Variants in IL15RA observed in about 807,000 individuals in gnomAD.
IL15RA encodes interleukin-15 receptor subunit alpha.
Under a neutral mutation model 24.2 loss-of-function variants are expected in IL15RA, and 26 were observed. The ratio of observed to expected loss-of-function variants is 1.07; its 90% CI spans 0.79 to 1.49. IL15RA has a LOEUF of 1.49. IL15RA is among the 40% of genes most tolerant of loss of function. The probability of loss-of-function intolerance (pLI) is 0.00; values close to 1 mark genes in which losing one functional copy is unlikely to be tolerated. For missense variants in IL15RA, 354 were observed against 356.4 expected, an observed-to-expected ratio of 0.99 and a Z score of 0.05; for synonymous variants, 166 against 157.6, an observed-to-expected ratio of 1.05 and a Z score of -0.40.
chr10:5,971,451 T>C lies in IL15RA; in HGVS notation c.89-5112A>G, dbSNP rs1327871772. Among the ~76,000 whole-genome samples, 1 of 152,120 alleles carries C rather than the reference T, an allele frequency of 6.6e-6. No homozygotes were observed. The highest frequency in any genetic ancestry group is 1.5e-5 in the Non-Finnish European group (1 of 68,016). The stretch of plus-strand genomic sequence containing the variant: ...TTATCTATCAGGTTGGTTTACAGAG[T>C]CTAATAAGAGCTGGCAGCCTCGGCC... On this transcript the variant is annotated intron_variant, in intron 1 of 6. Transcript: ENST00000379977. The surrounding 1 kb of genome is among the most constrained non-coding windows in gnomAD (Gnocchi z 5.5).
In IL15RA at chr10:5,954,706, A is replaced by T. The variant is rs372695918; in HGVS notation, c.693-1500T>A. ...TTTTAAGAATATATTTTAATGTATTATTCATAAAGAGATGGTATGTACATT... is the reference window on the plus strand; with the variant it reads ...TTTTAAGAATATATTTTAATGTATTTTTCATAAAGAGATGGTATGTACATT... On this transcript the variant is annotated intron_variant, in intron 6 of 6. Coordinates refer to ENST00000379977, the MANE Select transcript of IL15RA (RefSeq NM_002189.4). Among the ~76,000 whole-genome samples the T allele has an allele frequency of 5.9e-5, 9 of 152,268 alleles. No homozygotes were observed. The East Asian group carries it at 1.7e-3, about 29-fold the overall frequency.
rs377540180 is a variant in IL15RA at position 5,960,357 on chromosome 10, G to A, written c.583+10C>T. 2.1e-5 allele frequency: 34 copies of A among 1,613,270 alleles called. No homozygotes were observed. Among genetic ancestry groups the A allele is most frequent in the Admixed American group, 1.8e-4 (11 of 60,008 alleles). On this transcript the variant is annotated intron_variant, in intron 4 of 6. Transcript: ENST00000379977. This position sits in a 1 kb window ranked among gnomAD's most constrained non-coding sequence, Gnocchi z 5.1. Reference sequence around the variant, plus strand: ...GAACTGACCTCTCCTGGGGCAAAGCGAGTGCTAACCTGGCGGCTGGTGGGA... The same window carrying A: ...GAACTGACCTCTCCTGGGGCAAAGCAAGTGCTAACCTGGCGGCTGGTGGGA...
In IL15RA at chr10:5,962,463, A is replaced by G. The variant is rs1835749216; in HGVS notation, c.382+1280T>C. Among the ~76,000 whole-genome samples the G allele has an allele frequency of 1.3e-5, 2 of 152,022 alleles. No individual in the cohort carries two copies. Among genetic ancestry groups the G allele is most frequent in the Admixed American group, 1.3e-4 (2 of 15,248 alleles). On this transcript the variant is annotated intron_variant, in intron 3 of 6. Transcript: ENST00000379977. This position sits in a 1 kb window ranked among gnomAD's most constrained non-coding sequence, Gnocchi z 5.2. ...AGAAATTAGCCAGGCGTGGTGGTGC[A>G]CGCCTGTGATCCCAGCTACTTGGGA...
intron 6 of IL15RA, among the ~76,000 whole-genome samples, chr10:5,954,973 TGGTC>T (rs1012524612): frequency 6.6e-6 from 1 of 152,204 alleles, no homozygotes; most frequent in African/African-American, 2.4e-5. Flanking sequence ...GCTTTTTTAT[TGGTC>T]GGGATGGTAT....
In IL15RA at chr10:5,961,658, C is replaced by T. The variant is rs554988823; in HGVS notation, c.383-1091G>A. Among the ~76,000 whole-genome samples, 3 of 152,222 alleles carry T rather than the reference C, an allele frequency of 2.0e-5. No individual in the cohort carries two copies. The highest frequency in any genetic ancestry group is 7.2e-5 in the African/African-American group (3 of 41,452). On this transcript the variant is annotated intron_variant, in intron 3 of 6. Coordinates refer to ENST00000379977, the MANE Select transcript of IL15RA (RefSeq NM_002189.4). The surrounding 1 kb of genome is among the most constrained non-coding windows in gnomAD (Gnocchi z 5.2). Reference sequence around the variant, plus strand: ...GGAACAGAGGCTGCCTTGTGTTCAGCGTCTTCCCTGTCTTCCTTGTCCTTC... The same window carrying T: ...GGAACAGAGGCTGCCTTGTGTTCAGTGTCTTCCCTGTCTTCCTTGTCCTTC...
In IL15RA at chr10:5,959,863, A is replaced by G; in HGVS notation, c.584-77T>C. The G allele has an allele frequency of 7.0e-7, 1 of 1,422,482 alleles. No individual in the cohort carries two copies. The highest frequency in any genetic ancestry group is 1.2e-5 in the South Asian group (1 of 85,152). 88.1% of individuals were successfully genotyped at this position (1,422,482 alleles called of 1,614,324 possible). On this transcript the variant is annotated intron_variant, in intron 4 of 6. Transcript: ENST00000379977. The surrounding 1 kb of genome is among the most constrained non-coding windows in gnomAD (Gnocchi z 4.1). ...CCTCATGAAGCAGGAGAAAATCTGC[A>G]TGGCTTGGCTCCCATCTTAGCACCC...
rs559754093 is a variant in IL15RA, at chr10:5,955,989, T to C, written c.692+390A>G. Among the ~76,000 whole-genome samples the C allele has an allele frequency of 3.9e-5, 6 of 152,228 alleles. No individual in the cohort carries two copies. Among genetic ancestry groups the C allele is most frequent in the African/African-American group, 1.4e-4 (6 of 41,548 alleles). ...AAGGCGTCCTTCTTGGGAGGGGGCA[T>C]TCTGGAATCACTATGGTGGGGCTCT... On this transcript the variant is annotated intron_variant, in intron 6 of 6. Transcript: ENST00000379977. The surrounding 1 kb of genome is among the most constrained non-coding windows in gnomAD (Gnocchi z 5.3).
chr10:5,961,538 TCGGAGCGGCTGCGTGTGAAACA>T lies in IL15RA; in HGVS notation c.383-993_383-972del, dbSNP rs1216377768. On this transcript the variant is annotated intron_variant, in intron 3 of 6. Coordinates refer to ENST00000379977, the MANE Select transcript of IL15RA (RefSeq NM_002189.4). This position sits in a 1 kb window ranked among gnomAD's most constrained non-coding sequence, Gnocchi z 5.2. ...GTGAAGCTGCGCTGGCCGAGGACGCTCGGAGCGGCTGCGTGTGAAACACGGGAAGCCTGGGCTCTGGCCTGAA... is the reference window on the plus strand; with the variant it reads ...GTGAAGCTGCGCTGGCCGAGGACGCTCGGGAAGCCTGGGCTCTGGCCTGAA... Among the ~76,000 whole-genome samples, 1 of 152,218 alleles carries T rather than the reference TCGGAGCGGCTGCGTGTGAAACA, an allele frequency of 6.6e-6. No individual in the cohort carries two copies. The highest frequency in any genetic ancestry group is 1.5e-5 in the Non-Finnish European group (1 of 68,036).
In IL15RA at chr10:5,959,746, A is replaced by G. The variant is rs1291356386; in HGVS notation, c.616+8T>C. ...TCATAAACATACCGGACAAAGGGAC[A>G]CACTTACCAGTGGTGTCGCTGTGGC... is the stretch of plus-strand genomic sequence containing the variant. On this transcript the variant is annotated splice_region_variant and intron_variant, in intron 5 of 6. Transcript: ENST00000379977. The surrounding 1 kb of genome is among the most constrained non-coding windows in gnomAD (Gnocchi z 4.1). The G allele has an allele frequency of 1.9e-6, 3 of 1,613,354 alleles. No individual in the cohort carries two copies. The highest frequency in any genetic ancestry group is 2.5e-6 in the Non-Finnish European group (3 of 1,179,632).
rs1419305009 is a variant in IL15RA at position 5,977,391 on chromosome 10, T to C, written c.88+14A>G. On this transcript the variant is annotated intron_variant, in intron 1 of 6. Coordinates refer to ENST00000379977, the MANE Select transcript of IL15RA (RefSeq NM_002189.4). ...CCAAGTCCCGCCCGGGCGCCCCTGC[T>C]CCCAGCTCCCTACCCCGCGTCGCCG... 2.4e-6 allele frequency: 3 copies of C among 1,260,992 alleles called. No homozygotes were observed. Among genetic ancestry groups the C allele is most frequent in the South Asian group, 2.1e-5 (1 of 47,840 alleles). The allele number at this position is 1,260,992 out of a possible 1,614,324, so 78.1% of individuals were successfully genotyped here. A position where few individuals can be genotyped will look rare whatever the true frequency, so the allele number is the denominator to read the frequency against.
Position 5,968,481 on chromosome 10 carries a change from A to G in IL15RA, c.89-2142T>C, listed in dbSNP as rs1211792050. The G allele has an allele frequency of 7.9e-6, 3 of 379,984 alleles. No homozygotes were observed. The Admixed American group carries it at 1.2e-4, about 15-fold the overall frequency. The allele number at this position is 379,984 out of a possible 1,614,324, so 23.5% of individuals were successfully genotyped here. A position where few individuals can be genotyped will look rare whatever the true frequency, so the allele number is the denominator to read the frequency against. On this transcript the variant is annotated intron_variant, in intron 1 of 6. Coordinates refer to ENST00000379977, the MANE Select transcript of IL15RA (RefSeq NM_002189.4). This position sits in a 1 kb window ranked among gnomAD's most constrained non-coding sequence, Gnocchi z 5.4. ...AGGCATCTATTGTCCAGTGGCCGCC[A>G]CTACTCCCCATTCCAATGAGGACAC...
downstream of IL15RA, among the ~76,000 whole-genome samples, chr10:5,949,720 G>A (rs1445035026): frequency 1.3e-5 from 2 of 152,154 alleles, no homozygotes; most frequent in African/African-American, 4.8e-5. This position sits in a 1 kb window ranked among gnomAD's most constrained non-coding sequence, Gnocchi z 4.4. Flanking sequence ...TAAAAAGTTA[G>A]GCAGGAAGAA....
At chr10:5,978,329 T>A (rs1316514610), upstream of IL15RA, 1 of 152,468 alleles carries the variant, frequency 6.6e-6, no homozygotes, top group East Asian at 1.9e-4. The surrounding 1 kb of genome is among the most constrained non-coding windows in gnomAD (Gnocchi z 5.2). Context: ...GCTGGTGGGT[T>A]TTTTTCTTTC....
rs1176792783 is a variant in IL15RA, at chr10:5,965,382, T to C, written c.283+763A>G. Among the ~76,000 whole-genome samples the C allele has an allele frequency of 6.6e-6, 1 of 152,252 alleles. No individual in the cohort carries two copies. The highest frequency in any genetic ancestry group is 1.5e-5 in the Non-Finnish European group (1 of 68,046). The stretch of plus-strand genomic sequence containing the variant: ...GTGATGGCTTCCAACATCCACCTTC[T>C]CATGGGAAATCCAAACATTTCTCAC... On this transcript the variant is annotated intron_variant, in intron 2 of 6. Transcript: ENST00000379977. This position sits in a 1 kb window ranked among gnomAD's most constrained non-coding sequence, Gnocchi z 5.8.
downstream of IL15RA, among the ~76,000 whole-genome samples, chr10:5,950,095 CA>C (rs3085932): frequency 1.3e-5 from 2 of 149,852 alleles, no homozygotes; most frequent in Non-Finnish European, 3.0e-5. This position sits in a 1 kb window ranked among gnomAD's most constrained non-coding sequence, Gnocchi z 5.6. Context: ...GACTCTGTCT[CA>C]AAAAAAAAGT....
downstream of IL15RA, among the ~76,000 whole-genome samples, chr10:5,951,141 CAAAAAAAAAA>C (rs60771366): frequency 2.5e-4 from 9 of 35,950 alleles, no homozygotes; most frequent in East Asian, 2.9e-3. Context: ...GACTCAGTCT[CAAAAAAAAAA>C]AAAAAAAAAA....
downstream of IL15RA, chr10:5,949,183 G>A (rs957694333): frequency 5.5e-5 from 26 of 470,760 alleles, no homozygotes; most frequent in Admixed American, 4.5e-4. The surrounding 1 kb of genome is among the most constrained non-coding windows in gnomAD (Gnocchi z 4.4). Flanking sequence ...CATCTCCCAC[G>A]CCAGGAGGAG....
In IL15RA at chr10:5,975,069, C is replaced by T. The variant is rs943633390; in HGVS notation, c.88+2336G>A. Among the ~76,000 whole-genome samples, 1 of 151,708 alleles carries T rather than the reference C, an allele frequency of 6.6e-6. No individual in the cohort carries two copies. Among genetic ancestry groups the T allele is most frequent in the African/African-American group, 2.4e-5 (1 of 41,314 alleles). ...CCTGCCATATAACACAGCCACTCTA[C>T]TCCCAACCATTCTCTACCCATGAGA... On this transcript the variant is annotated intron_variant, in intron 1 of 6. Coordinates refer to ENST00000379977, the MANE Select transcript of IL15RA (RefSeq NM_002189.4). This position sits in a 1 kb window ranked among gnomAD's most constrained non-coding sequence, Gnocchi z 4.8.
Position 5,961,936 on chromosome 10 carries a change from G to C in IL15RA, c.383-1369C>G, listed in dbSNP as rs916021915. 3.9e-5 allele frequency among the ~76,000 whole-genome samples: 6 copies of C among 152,178 alleles called. No homozygotes were observed. The highest frequency in any genetic ancestry group is 7.2e-5 in the African/African-American group (3 of 41,430). On this transcript the variant is annotated intron_variant, in intron 3 of 6. Coordinates refer to ENST00000379977, the MANE Select transcript of IL15RA (RefSeq NM_002189.4). The surrounding 1 kb of genome is among the most constrained non-coding windows in gnomAD (Gnocchi z 5.2). ...AACTTGCCCTACGCTCACTGCCAAT[G>C]CTCCAGGGCTCCCTGCACAGGACGC...
Sources: allele counts gnomAD v4.1 joint callset (sites outside exome capture counted in the v4.1 genomes callset), GRCh38; gene constraint gnomAD v4.1.1; non-coding constraint Gnocchi (gnomAD v3.1); transcripts MANE v1.5; gene names NCBI Gene and HGNC (gene_info 2026-07-23, HGNC 2026-07-21).